The following SLC39A6 variants were observed in gnomAD, a reference collection of about 807,000 sequenced individuals.
SLC39A6 encodes the protein solute carrier family 39 member 6.
A neutral mutation model predicts 63.5 loss-of-function variants in SLC39A6; 51 were observed. The observed-to-expected ratio is 0.80, with a 90% CI of 0.64 to 1.01. The LOEUF (loss-of-function observed/expected upper bound fraction) is 1.01, where lower values mean the gene tolerates loss of function less well. SLC39A6 is among the 50% of genes least tolerant of loss of function. SLC39A6 has a pLI of 0.00. For missense variants in SLC39A6, 805 were observed against 927.8 expected, an observed-to-expected ratio of 0.87 and a Z score of 1.72; for synonymous variants, 318 against 324.7, an observed-to-expected ratio of 0.98 and a Z score of 0.22.
chr18:36,114,388 T>A lies in SLC39A6; in HGVS notation c.1552A>T (p.Met518Leu). Residue 518 changes from methionine to leucine, a missense_variant, in exon 7 of 10, where the codon ATG (methionine) becomes TTG (leucine). This residue lies in a region of SLC39A6 where 639 missense variants were observed against 644.0 expected (regional missense o/e 0.99). Transcript: ENST00000269187. ...QPAVLEEEEV[M>L]IAHAHPQEVY... ...TCCTGTGGATGAGCATGAGCTATCA[T>A]GACCTCTTCTTCTTCCAAGACTGCA... 6.2e-7 allele frequency: 1 copy of A among 1,614,258 alleles called. No homozygotes were observed. Among genetic ancestry groups the A allele is most frequent in the Non-Finnish European group, 8.5e-7 (1 of 1,180,048 alleles).
rs1270538133 is a variant in SLC39A6, at chr18:36,126,854, T to C, written c.154A>G (p.Thr52Ala). Residue 52 changes from threonine (T) to alanine (A), a missense_variant, in exon 2 of 10, where the codon ACA becomes GCA. By Grantham distance (58) the Thr-to-Ala change is moderately conservative. This residue lies in a region of SLC39A6 where 639 missense variants were observed against 644.0 expected (regional missense o/e 0.99). Transcript: ENST00000269187. ...SGINVDLAIS[T>A]RQYHLQQLFY... ...AGCTGTTGTAGATGATATTGCCGTGTGGAAATTGCCAAGTCAACATTAATG... is the reference window on the plus strand; with the variant it reads ...AGCTGTTGTAGATGATATTGCCGTGCGGAAATTGCCAAGTCAACATTAATG... 6.2e-7 allele frequency: 1 copy of C among 1,614,152 alleles called. No homozygotes were observed. Among genetic ancestry groups the C allele is most frequent in the East Asian group, 2.2e-5 (1 of 44,898 alleles).
chr18:36,114,014 C>G, intron 7 of SLC39A6, 83 bp downstream of exon 7: 1 of 1,481,798 alleles, frequency 6.7e-7, no homozygotes, highest in Non-Finnish European at 9.0e-7. Flanking sequence ...CTAAACTAAT[C>G]TATTCTTTGT....
rs763157211 is a variant in SLC39A6, at chr18:36,109,749, T to TA, written c.2116-5dup. ...CATTGTGCAGCATTTCAGGTACCTT[T>TA]AAAAAAAAGTAAGGGAAAATAAGAG... On this transcript the variant is annotated splice_polypyrimidine_tract_variant and splice_region_variant and intron_variant, in intron 9 of 9. Coordinates refer to ENST00000269187, the MANE Select transcript of SLC39A6 (RefSeq NM_012319.4). 16 of 1,583,076 alleles carry TA rather than the reference T, an allele frequency of 1.0e-5. No individual in the cohort carries two copies. The highest frequency in any genetic ancestry group is 1.7e-4 in the Middle Eastern group (1 of 5,912).
At position 36,111,261 on chromosome 18, in the gene SLC39A6, A is replaced by G. The variant is rs1319639871; in HGVS notation, c.1925-12T>C. 3.1e-6 allele frequency: 5 copies of G among 1,608,840 alleles called. No individual in the cohort carries two copies. In the Admixed American group the frequency reaches 6.8e-5, roughly 22 times the overall value. On this transcript the variant is annotated splice_polypyrimidine_tract_variant and intron_variant, in intron 8 of 9. Transcript: ENST00000269187. ...AACAGCAAAGTCACCTTTAACAGAAAACAAAAAAGGAGGAAAAAGTCATTG... is the reference window on the plus strand; with the variant it reads ...AACAGCAAAGTCACCTTTAACAGAAGACAAAAAAGGAGGAAAAAGTCATTG...
At position 36,109,691 on chromosome 18, in the gene SLC39A6, AC is replaced by A. The variant is rs1567955968; in HGVS notation, c.2169del (p.Tyr724IlefsTer30). 6.2e-7 allele frequency: 1 copy of A among 1,612,594 alleles called. No homozygotes were observed. The highest frequency in any genetic ancestry group is 8.5e-7 in the Non-Finnish European group (1 of 1,178,842). On this transcript the variant is annotated frameshift_variant, in exon 10 of 10. Coordinates refer to ENST00000269187, the MANE Select transcript of SLC39A6 (RefSeq NM_012319.4). LOFTEE classifies it high-confidence loss of function. ...DASDHGCSRW[G>X]YFFLQNAGML... is the part of the protein sequence containing the mutation. ...ATCCCAGCATTCTGTAAAAAGAAAT[AC>A]CCCCAGCGGCTACATCCATGGTCAC...
At chr18:36,110,318 A>G (rs190711637) in intron 9 of SLC39A6, among the ~76,000 whole-genome samples, 6 of 152,108 alleles carry the variant, frequency 3.9e-5, no homozygotes, top group African/African-American at 1.4e-4. Context: ...CTACAAATCT[A>G]TAGAAAATTC....
chr18:36,115,028 A>T (rs1475255466), intron 6 of SLC39A6, among the ~76,000 whole-genome samples: 2 of 152,012 alleles, frequency 1.3e-5, no homozygotes, highest in African/African-American at 4.8e-5. Context: ...CAATAAGGTT[A>T]TTTTTTTTCT....
At chr18:36,120,056 G>C (rs2089379416) in intron 5 of SLC39A6, among the ~76,000 whole-genome samples, 1 of 152,030 alleles carries the variant, frequency 6.6e-6, no homozygotes, top group East Asian at 1.9e-4. Flanking sequence ...AATGAAAACT[G>C]ATCTTTTTTT....
chr18:36,116,704 T>G lies in SLC39A6; in HGVS notation c.1435A>C (p.Thr479Pro), dbSNP rs201305953. ...QLSKYESQLS[T>P]NEEKVDTDDR... ...TCTGTATCTACTTTCTCCTCATTTG[T>G]TGAAAGTTGAGATTCATACTTGGAC... Residue 479 changes from threonine to proline, a missense_variant, in exon 6 of 10, where the codon ACA becomes CCA. Transcript: ENST00000269187. The G allele has an allele frequency of 6.4e-5, 103 of 1,612,228 alleles. No homozygotes were observed. The highest frequency in any genetic ancestry group is 8.3e-5 in the Non-Finnish European group (98 of 1,178,622).
In SLC39A6 at chr18:36,126,861, T is replaced by C. The variant is rs1323735122; in HGVS notation, c.147A>G (p.Ala49=). The change falls in exon 2 of 10, where the codon GCA becomes GCG. Residue 49 remains alanine (A), a synonymous_variant. Coordinates refer to ENST00000269187, the MANE Select transcript of SLC39A6 (RefSeq NM_012319.4). ...NWESGINVDL[A]ISTRQYHLQQ... is the part of the protein sequence containing the mutation. ...GTAGATGATATTGCCGTGTGGAAAT[T>C]GCCAAGTCAACATTAATGCCAGATT... 1 of 1,614,106 alleles carries C rather than the reference T, an allele frequency of 6.2e-7. No homozygotes were observed. The highest frequency in any genetic ancestry group is 8.5e-7 in the Non-Finnish European group (1 of 1,180,046).
chr18:36,124,785 T>C (rs2089422631), intron 2 of SLC39A6, 85 bp from the exon 3 acceptor site: 1 of 1,082,934 alleles, frequency 9.2e-7, no homozygotes, highest in Admixed American at 2.7e-5. Context: ...TTACTAATGC[T>C]ACTTCGTTTT....
intron 1 of SLC39A6, among the ~76,000 whole-genome samples, chr18:36,127,794 T>C (rs1345579860): frequency 2.0e-5 from 3 of 147,944 alleles, no homozygotes; most frequent in South Asian, 2.1e-4. Flanking sequence ...TTTTTTTTTT[T>C]CTAGAGACGA....
At chr18:36,110,339 T>G (rs546760017) in intron 9 of SLC39A6, among the ~76,000 whole-genome samples, 2 of 151,450 alleles carry the variant, frequency 1.3e-5, no homozygotes, top group Admixed American at 1.3e-4. Context: ...ACTGCCTGAT[T>G]ACTGAGATCA....
chr18:36,114,190 G>C lies in SLC39A6; in HGVS notation c.1750C>G (p.Arg584Gly). 6.2e-7 allele frequency: 1 copy of C among 1,614,178 alleles called. No individual in the cohort carries two copies. Among genetic ancestry groups the C allele is most frequent in the Non-Finnish European group, 8.5e-7 (1 of 1,180,030 alleles). ...ACGCCGGCATCTTTCAGCTCCTCCC[G>C]AGAGTAGCGCTGGCTGTGACTGTGA... ...HPHSHSQRYS[R>G]EELKDAGVAT... The change falls in exon 7 of 10, where the codon CGG becomes GGG. Residue 584 changes from arginine to glycine, a missense_variant. Coordinates refer to ENST00000269187, the MANE Select transcript of SLC39A6 (RefSeq NM_012319.4).
intron 8 of SLC39A6, among the ~76,000 whole-genome samples, chr18:36,111,705 G>T (rs1164092714): frequency 6.6e-6 from 1 of 152,150 alleles, no homozygotes; most frequent in East Asian, 1.9e-4. Context: ...GGGTGGTTTT[G>T]AACTTCTGAC....
intron 6 of SLC39A6, among the ~76,000 whole-genome samples, chr18:36,116,179 G>A (rs1267717471): frequency 1.3e-5 from 2 of 152,170 alleles, no homozygotes; most frequent in African/African-American, 4.8e-5. Context: ...CACTGTATCA[G>A]TATAAATTTC....
At chr18:36,120,710 C>T (rs1598710151) in intron 5 of SLC39A6, among the ~76,000 whole-genome samples, 2 of 152,058 alleles carry the variant, frequency 1.3e-5, no homozygotes, top group South Asian at 4.1e-4. Context: ...CCAGGCTGCT[C>T]TCAAACTCCT....
At chr18:36,124,254 T>TA (rs2089416791) in intron 3 of SLC39A6, among the ~76,000 whole-genome samples, 1 of 152,148 alleles carries the variant, frequency 6.6e-6, no homozygotes, top group African/African-American at 2.4e-5. Context: ...TGACATGATA[T>TA]AAAAATCCCA....
intron 1 of SLC39A6, among the ~76,000 whole-genome samples, chr18:36,127,471 T>C (rs1387677861): frequency 6.6e-6 from 1 of 151,964 alleles, no homozygotes; most frequent in East Asian, 1.9e-4. Context: ...GCCAGGAGTT[T>C]GTGACCAGCC....
Sources: gnomAD v4.1 joint callset for allele counts (sites outside exome capture counted in the v4.1 genomes callset) on GRCh38, gnomAD v4.1.1 for gene constraint, gnomAD v4.1.1 regional missense constraint, MANE v1.5 for transcripts, NCBI Gene and HGNC (gene_info 2026-07-23, HGNC 2026-07-21) for gene names.